CAND2: variants seen among roughly 807,000 people sequenced by gnomAD.
The protein encoded by CAND2 is cullin associated and neddylation dissociated 2 (putative), also known as cullin-associated NEDD8-dissociated protein 2.
CAND2 carries 62 observed loss-of-function variants against 98.9 expected under a neutral mutation model. The observed-to-expected ratio is 0.63, with a 90% CI of 0.51 to 0.77. The LOEUF is 0.77. Ranked by LOEUF, CAND2 falls within the 30% of genes least tolerant of loss-of-function variation. The pLI, the probability that CAND2 is intolerant of heterozygous loss-of-function variation, is 0.00. For missense variants in CAND2, 1,501 were observed against 1,655.2 expected (o/e 0.91, Z 1.62); for synonymous variants, 770 against 731.9 (o/e 1.05, Z -0.84).
chr3:12,805,697 G>A (rs371800411), intron 2 of CAND2, among the ~76,000 whole-genome samples: 12 of 152,264 alleles, frequency 7.9e-5, no homozygotes, highest in Admixed American at 2.6e-4. Context: ...CTAAAATGTG[G>A]TATATTAAAA....
chr3:12,827,962 G>A (rs116647471), intron 13 of CAND2, among the ~76,000 whole-genome samples: 252 of 150,062 alleles, frequency 1.7e-3, no homozygotes, highest in African/African-American at 5.7e-3. Flanking sequence ...CAACCTGGAC[G>A]ACAAAGCGAG....
intron 1 of CAND2, among the ~76,000 whole-genome samples, chr3:12,802,647 CAT>C (rs1195929454): frequency 2.6e-5 from 4 of 152,240 alleles, no homozygotes; most frequent in Non-Finnish European, 2.9e-5. Context: ...TGGTGTCACA[CAT>C]ATGTGGGTCT....
intron 2 of CAND2, among the ~76,000 whole-genome samples, 184 bp downstream of exon 2, chr3:12,803,815 T>C (rs1474606853): frequency 1.3e-5 from 2 of 152,020 alleles, no homozygotes; most frequent in African/African-American, 4.8e-5. Context: ...CTAAGTTTAT[T>C]TGGGAGGCGC....
At chr3:12,826,008 G>A (rs1222946005) in intron 12 of CAND2, among the ~76,000 whole-genome samples, 1 of 152,228 alleles carries the variant, frequency 6.6e-6, no homozygotes, top group African/African-American at 2.4e-5. Context: ...AGGACTCAGA[G>A]TTGGGCCTGA....
intron 10 of CAND2, among the ~76,000 whole-genome samples, chr3:12,818,505 C>A (rs993188416): frequency 6.6e-6 from 1 of 152,280 alleles, no homozygotes; most frequent in South Asian, 2.1e-4. Flanking sequence ...GAGGGGCAGG[C>A]GTTTTGGCTT....
At chr3:12,804,974 T>C (rs1403399992) in intron 2 of CAND2, among the ~76,000 whole-genome samples, 1 of 152,220 alleles carries the variant, frequency 6.6e-6, no homozygotes, top group Non-Finnish European at 1.5e-5. Flanking sequence ...GCAGAACCAA[T>C]ACCTTTTTAT....
intron 2 of CAND2, 137 bp from the exon 3 acceptor site, chr3:12,807,169 C>CA: frequency 1.4e-6 from 1 of 735,842 alleles, no homozygotes; most frequent in Non-Finnish European, 2.2e-6. Context: ...TCTTTCTGGC[C>CA]AAACAGGGGC....
chr3:12,811,230 C>G (rs1468724969), intron 5 of CAND2, among the ~76,000 whole-genome samples: 5 of 152,160 alleles, frequency 3.3e-5, no homozygotes, highest in Non-Finnish European at 7.3e-5. Flanking sequence ...AAGAGGCCTG[C>G]GCAGGCTCGG....
chr3:12,808,881 TG>T (rs2061828398), intron 4 of CAND2, among the ~76,000 whole-genome samples: 2 of 152,110 alleles, frequency 1.3e-5, no homozygotes, highest in African/African-American at 4.8e-5. Flanking sequence ...TCCCAGAGTC[TG>T]CCAGGGGTCG....
chr3:12,833,769 T>C lies in CAND2; in HGVS notation c.3498T>C (p.Ser1166=), dbSNP rs778593150. 1.9e-6 allele frequency: 3 copies of C among 1,613,950 alleles called. No homozygotes were observed. Residue 1166 remains serine, a synonymous_variant, in exon 15 of 15, where the codon TCT becomes TCC. Transcript: ENST00000456430. ...ATCTAKVKAG[S]VKQEFEKQDE... is the part of the protein sequence containing the mutation. ...TCCTACTTTAGGTCAAAGCTGGTTC[T>C]GTGAAGCAGGAGTTTGAAAAGCAAG...
Position 12,810,040 on chromosome 3 carries a change from GC to G in CAND2, c.492-14del, listed in dbSNP as rs1317942405. The G allele has an allele frequency of 1.4e-6, 2 of 1,398,698 alleles. No individual in the cohort carries two copies. Among genetic ancestry groups the G allele is most frequent in the South Asian group, 1.6e-5 (1 of 62,756 alleles). The allele number at this position is 1,398,698 out of a possible 1,614,324, so 86.6% of individuals were successfully genotyped here. A position where few individuals can be genotyped will look rare whatever the true frequency, so the allele number is the denominator to read the frequency against. ...GCCCGCGGAGTGCGATCGGCCTGAT[GC>G]CCCCTCGTGCTCCCCAGGCTGGGTG... On this transcript the variant is annotated intron_variant, in intron 4 of 14. Coordinates refer to ENST00000456430, the MANE Select transcript of CAND2 (RefSeq NM_001162499.2).
chr3:12,810,016 C>T, intron 4 of CAND2, 43 bp from the exon 5 acceptor site: 1 of 1,385,186 alleles, frequency 7.2e-7, no homozygotes, highest in Non-Finnish European at 9.3e-7. Flanking sequence ...GCCCAGGTTG[C>T]CCGCGGAGTG....
Position 12,818,279 on chromosome 3 carries a change from C to A in CAND2, c.2944+403C>A, listed in dbSNP as rs543727048. The stretch of plus-strand genomic sequence containing the variant: ...GCCTCTACCAAAAAAAAAAACAAAA[C>A]AAAAAACCTCATGATGCCAACTTCA... On this transcript the variant is annotated intron_variant, in intron 10 of 14. Coordinates refer to ENST00000456430, the MANE Select transcript of CAND2 (RefSeq NM_001162499.2). Among the ~76,000 whole-genome samples, 408 of 145,758 alleles carry A rather than the reference C, an allele frequency of 2.8e-3. 2 individuals are homozygous for A. The highest frequency in any genetic ancestry group is 0.01 in the African/African-American group (370 of 35,866).
In CAND2 at chr3:12,815,932, A is replaced by G. The variant is rs1449971880; in HGVS notation, c.1365A>G (p.Gly455=). 3.1e-6 allele frequency: 5 copies of G among 1,613,626 alleles called. No homozygotes were observed. Among genetic ancestry groups the G allele is most frequent in the Non-Finnish European group, 3.4e-6 (4 of 1,179,956 alleles). Residue 455 remains glycine, a synonymous_variant, in exon 9 of 15, where the codon GGA becomes GGG. Coordinates refer to ENST00000456430, the MANE Select transcript of CAND2 (RefSeq NM_001162499.2). The surrounding 1 kb of genome is among the most constrained non-coding windows in gnomAD (Gnocchi z 5.7). ...ATCGGAGCGTCAGAGCCCGCCAGGG[A>G]TGCTTCAGCCTCCTCACCGAGCTGG... ...LKDRSVRARQ[G]CFSLLTELAG...
At chr3:12,820,259 C>A in intron 11 of CAND2, 78 bp downstream of exon 11, 2 of 1,120,462 alleles carry the variant, frequency 1.8e-6, no homozygotes, top group East Asian at 2.5e-5. Flanking sequence ...TGTTTACTAC[C>A]CAATAGCCAA....
chr3:12,827,445 G>A lies in CAND2; in HGVS notation c.3216G>A (p.Glu1072=). Residue 1072 remains glutamate, a synonymous_variant, in exon 13 of 15, where the codon GAG becomes GAA. Transcript: ENST00000456430. Reference sequence around the variant, plus strand: ...AACCTTCATCCCTCCTGCAGGTGGAGATGGGGCCCTTTAAACATACAGTGG... The same window carrying A: ...AACCTTCATCCCTCCTGCAGGTGGAAATGGGGCCCTTTAAACATACAGTGG... ...KIRRDLIREV[E]MGPFKHTVDD... is the part of the protein sequence containing the mutation. The A allele has an allele frequency of 1.2e-6, 2 of 1,613,304 alleles. No individual in the cohort carries two copies. Among genetic ancestry groups the A allele is most frequent in the Non-Finnish European group, 1.7e-6 (2 of 1,179,556 alleles).
chr3:12,813,228 C>T lies in CAND2; in HGVS notation c.864-18C>T. On this transcript the variant is annotated intron_variant, in intron 6 of 14. Coordinates refer to ENST00000456430, the MANE Select transcript of CAND2 (RefSeq NM_001162499.2). Reference sequence around the variant, plus strand: ...TCCTGGCTGGATCCAGCAAAGCATTCCTCATCCTGCCCCACAGGTGCCCCA... The same window carrying T: ...TCCTGGCTGGATCCAGCAAAGCATTTCTCATCCTGCCCCACAGGTGCCCCA... 6.2e-7 allele frequency: 1 copy of T among 1,611,516 alleles called. No individual in the cohort carries two copies. Among genetic ancestry groups the T allele is most frequent in the Non-Finnish European group, 8.5e-7 (1 of 1,179,088 alleles).
chr3:12,834,101 C>G lies in CAND2; in HGVS notation c.*119C>G, dbSNP rs561932261. ...GCCCTTCCACCATCTCACTGGGGGC[C>G]CTGTCGCTCCTGGTCAGGGCTTACA... On this transcript the variant is annotated 3_prime_UTR_variant, in exon 15 of 15. Transcript: ENST00000456430. 1 of 780,556 alleles carries G rather than the reference C, an allele frequency of 1.3e-6. No homozygotes were observed. Among genetic ancestry groups the G allele is most frequent in the Admixed American group, 2.4e-5 (1 of 41,906 alleles). The allele number at this position is 780,556 out of a possible 1,614,324, so 48.4% of individuals were successfully genotyped here. A position where few individuals can be genotyped will look rare whatever the true frequency, so the allele number is the denominator to read the frequency against.
At chr3:12,807,128 AG>A (rs2061812501) in intron 2 of CAND2, 177 bp from the exon 3 acceptor site, 1 of 545,126 alleles carries the variant, frequency 1.8e-6, no homozygotes, top group African/African-American at 1.9e-5. Context: ...GGGAGGTCCC[AG>A]GAACGATGTT....
Sources: allele counts gnomAD v4.1 joint callset (sites outside exome capture counted in the v4.1 genomes callset), GRCh38; gene constraint gnomAD v4.1.1; non-coding constraint Gnocchi (gnomAD v3.1); transcripts MANE v1.5; gene names NCBI Gene and HGNC (gene_info 2026-07-23, HGNC 2026-07-21).